The following MEGF9 variants were observed in gnomAD, a reference collection of about 807,000 sequenced individuals.
MEGF9 encodes multiple EGF like domains 9.
A neutral mutation model predicts 46.8 loss-of-function variants in MEGF9; 6 were observed. That is an observed-to-expected ratio of 0.13 (90% confidence interval 0.07 to 0.25). The LOEUF is 0.25. Among genes scored for constraint, MEGF9 ranks in the 10% least tolerant of loss-of-function variants. MEGF9 has a pLI of 1.00. For missense variants in MEGF9, 683 were observed against 792.4 expected (o/e 0.86, Z 1.66); for synonymous variants, 302 against 330.7 (o/e 0.91, Z 0.94).
intron 1 of MEGF9, among the ~76,000 whole-genome samples, chr9:120,702,451 C>T (rs575224941): frequency 6.6e-6 from 1 of 151,876 alleles, no homozygotes; most frequent in Non-Finnish European, 1.5e-5. Flanking sequence ...GATATAGTCA[C>T]GAAAAAACTT....
At chr9:120,606,263 A>G (rs927121148) in intron 5 of MEGF9, among the ~76,000 whole-genome samples, 3 of 152,238 alleles carry the variant, frequency 2.0e-5, no homozygotes, top group Non-Finnish European at 2.9e-5. Flanking sequence ...AAATTCCTGC[A>G]AAGGCAGTAA....
At chr9:120,680,834 G>A (rs760046904) in intron 1 of MEGF9, among the ~76,000 whole-genome samples, 24 of 152,150 alleles carry the variant, frequency 1.6e-4, no homozygotes, top group Non-Finnish European at 1.2e-4. Flanking sequence ...GGTTCTGCCA[G>A]GCCACTGTCG....
chr9:120,607,319 A>T (rs1478253197), intron 5 of MEGF9, among the ~76,000 whole-genome samples: 1 of 152,362 alleles, frequency 6.6e-6, no homozygotes, highest in East Asian at 1.9e-4. Context: ...TTAGGCCCAA[A>T]GTTAGGACAG....
chr9:120,679,663 C>T (rs1035602879), intron 1 of MEGF9, among the ~76,000 whole-genome samples: 4 of 151,908 alleles, frequency 2.6e-5, no homozygotes, highest in Admixed American at 6.6e-5. Context: ...CTCTGGCCAG[C>T]GCAGTGGCTC....
intron 1 of MEGF9, among the ~76,000 whole-genome samples, chr9:120,677,210 C>T (rs763686550): frequency 6.6e-5 from 10 of 152,066 alleles, no homozygotes; most frequent in South Asian, 6.2e-4. Context: ...CTCACCGCAG[C>T]CTCAACCTCC....
At chr9:120,618,970 T>G (rs866644639) in intron 3 of MEGF9, among the ~76,000 whole-genome samples, 40 of 152,330 alleles carry the variant, frequency 2.6e-4, no homozygotes, top group Middle Eastern at 3.4e-3. Flanking sequence ...GCTTTTGTTT[T>G]TTAACTAGTC....
intron 3 of MEGF9, among the ~76,000 whole-genome samples, chr9:120,614,718 A>G (rs1056053324): frequency 6.6e-6 from 1 of 152,092 alleles, no homozygotes; most frequent in African/African-American, 2.4e-5. Flanking sequence ...TCCCCCTATT[A>G]AAAATGTTCA....
At chr9:120,652,307 A>G (rs986031349) in intron 2 of MEGF9, among the ~76,000 whole-genome samples, 5 of 150,970 alleles carry the variant, frequency 3.3e-5, no homozygotes, top group Non-Finnish European at 7.4e-5. Context: ...GCAACATGGT[A>G]AAACCCTGTC....
chr9:120,623,947 G>T (rs1374077096), intron 2 of MEGF9, among the ~76,000 whole-genome samples: 2 of 152,168 alleles, frequency 1.3e-5, no homozygotes, highest in Non-Finnish European at 2.9e-5. Flanking sequence ...AGGATAAACA[G>T]TTACTTTCAA....
At chr9:120,680,865 G>A (rs979526242) in intron 1 of MEGF9, among the ~76,000 whole-genome samples, 2 of 152,118 alleles carry the variant, frequency 1.3e-5, no homozygotes, top group East Asian at 3.9e-4. Context: ...AAGGCCCAAG[G>A]GCTCTTCCAT....
chr9:120,661,742 T>C (rs544492228), intron 1 of MEGF9, among the ~76,000 whole-genome samples: 4 of 152,354 alleles, frequency 2.6e-5, no homozygotes, highest in African/African-American at 7.2e-5. Flanking sequence ...TTTCACATGA[T>C]AGCTACTTTC....
At chr9:120,620,193 C>T (rs1212756908) in intron 3 of MEGF9, among the ~76,000 whole-genome samples, 1 of 152,148 alleles carries the variant, frequency 6.6e-6, no homozygotes, top group Non-Finnish European at 1.5e-5. Flanking sequence ...AAGACAGTGG[C>T]CTCGTTGCCT....
rs77691501 is a variant in MEGF9, at chr9:120,688,503, C to T, written c.601+25255G>A. Among the ~76,000 whole-genome samples the T allele has an allele frequency of 3.5e-3, 530 of 152,290 alleles. 4 individuals are homozygous for T. The highest frequency in any genetic ancestry group is 0.012 in the African/African-American group (504 of 41,562). ...TACCTGCTAAACATTATTTCAGATGCTAGGGATGTGGCAGTAAACAAAACA... is the reference window on the plus strand; with the variant it reads ...TACCTGCTAAACATTATTTCAGATGTTAGGGATGTGGCAGTAAACAAAACA... On this transcript the variant is annotated intron_variant, in intron 1 of 5. Transcript: ENST00000373930.
intron 3 of MEGF9, among the ~76,000 whole-genome samples, chr9:120,613,057 G>A (rs141361229): frequency 5.9e-5 from 9 of 151,414 alleles, no homozygotes; most frequent in Admixed American, 1.3e-4. Context: ...GGCTGATACT[G>A]AACTCTCAGC....
chr9:120,610,944 T>C (rs2043442410), intron 4 of MEGF9, among the ~76,000 whole-genome samples: 2 of 152,202 alleles, frequency 1.3e-5, no homozygotes, highest in Non-Finnish European at 2.9e-5. Flanking sequence ...AAATTTTAAA[T>C]GTGCAAAGGA....
chr9:120,678,312 G>C (rs1264906385), intron 1 of MEGF9, among the ~76,000 whole-genome samples: 1 of 152,192 alleles, frequency 6.6e-6, no homozygotes, highest in Non-Finnish European at 1.5e-5. Context: ...CCAGCAGTGA[G>C]ATTGATGGAT....
At chr9:120,679,199 C>T (rs531193694) in intron 1 of MEGF9, among the ~76,000 whole-genome samples, 1 of 152,200 alleles carries the variant, frequency 6.6e-6, no homozygotes, top group Admixed American at 6.5e-5. Flanking sequence ...GCACTATTCA[C>T]AATAGCAAAG....
At chr9:120,700,180 CAT>C (rs911001856) in intron 1 of MEGF9, among the ~76,000 whole-genome samples, 1 of 152,140 alleles carries the variant, frequency 6.6e-6, no homozygotes, top group Non-Finnish European at 1.5e-5. Context: ...GAAACTGAGT[CAT>C]AGAGTCATCA....
chr9:120,614,497 G>C (rs1244299872), intron 3 of MEGF9, among the ~76,000 whole-genome samples: 2 of 152,080 alleles, frequency 1.3e-5, no homozygotes, highest in Non-Finnish European at 2.9e-5. Flanking sequence ...TCATGCTGTG[G>C]TAGACACTTT....
Sources: allele counts gnomAD v4.1 joint callset (sites outside exome capture counted in the v4.1 genomes callset), GRCh38; gene constraint gnomAD v4.1.1; transcripts MANE v1.5; gene names NCBI Gene and HGNC (gene_info 2026-07-23, HGNC 2026-07-21).